NCKAP5: variants seen among roughly 807,000 people sequenced by gnomAD.
NCKAP5 encodes nck-associated protein 5.
Under a neutral mutation model 167.0 loss-of-function variants are expected in NCKAP5, and 92 were observed. That is an observed-to-expected ratio of 0.55 (90% CI 0.47 to 0.66). The LOEUF (loss-of-function observed/expected upper bound fraction) is 0.66, where lower values mean the gene tolerates loss of function less well. Among genes scored for constraint, NCKAP5 ranks in the 30% least tolerant of loss-of-function variants. The pLI, the probability that NCKAP5 is intolerant of heterozygous loss-of-function variation, is 0.00. For synonymous variants in NCKAP5, 891 were observed against 877.4 expected (o/e 1.02, Z -0.27); for missense variants, 2,378 against 2,315.0 (o/e 1.03, Z -0.56).
intron 2 of NCKAP5, among the ~76,000 whole-genome samples, chr2:133,536,002 G>A (rs1210736234): frequency 6.6e-6 from 1 of 151,890 alleles, no homozygotes; most frequent in Admixed American, 6.6e-5. Context: ...TCTTCTTGCT[G>A]AGTTGTTTGA....
chr2:132,824,473 T>G (rs1189722001), intron 11 of NCKAP5, among the ~76,000 whole-genome samples: 1 of 152,182 alleles, frequency 6.6e-6, no homozygotes, highest in Admixed American at 6.5e-5. Context: ...CAGATTTCCT[T>G]TTAGGTCTCA....
chr2:133,557,310 CT>C, intron 2 of NCKAP5, among the ~76,000 whole-genome samples: 1 of 152,254 alleles, frequency 6.6e-6, no homozygotes, highest in Middle Eastern at 3.4e-3. Context: ...TTTGGCACAA[CT>C]TTTCCTAGAT....
chr2:133,317,777 C>CT (rs1681721881), intron 3 of NCKAP5, among the ~76,000 whole-genome samples: 1 of 152,214 alleles, frequency 6.6e-6, no homozygotes, highest in Non-Finnish European at 1.5e-5. Context: ...ATGTGATGCC[C>CT]TATGCCAACA....
At chr2:133,135,891 G>A (rs1320166648) in intron 5 of NCKAP5, among the ~76,000 whole-genome samples, 1 of 152,060 alleles carries the variant, frequency 6.6e-6, no homozygotes, top group Non-Finnish European at 1.5e-5. Flanking sequence ...AGCTTATATT[G>A]TCTAATATAC....
chr2:132,778,413 C>T (rs1007832748), intron 15 of NCKAP5, among the ~76,000 whole-genome samples: 7 of 151,900 alleles, frequency 4.6e-5, no homozygotes, highest in Non-Finnish European at 8.8e-5. Flanking sequence ...GTGAACTAAG[C>T]GGAGGTTTGC....
intron 8 of NCKAP5, among the ~76,000 whole-genome samples, chr2:132,895,066 TCA>T (rs1693037441): frequency 6.6e-6 from 1 of 152,184 alleles, no homozygotes; most frequent in Non-Finnish European, 1.5e-5. Context: ...GCGCAGTGGC[TCA>T]CATCTGTAAT....
chr2:132,854,856 GA>G (rs1372522811), intron 11 of NCKAP5, among the ~76,000 whole-genome samples: 1 of 152,108 alleles, frequency 6.6e-6, no homozygotes, highest in African/African-American at 2.4e-5. Flanking sequence ...ATTTTGAACA[GA>G]AAAATGACAT....
At chr2:133,470,617 C>T (rs1412662039) in intron 3 of NCKAP5, among the ~76,000 whole-genome samples, 3 of 152,356 alleles carry the variant, frequency 2.0e-5, no homozygotes, top group Non-Finnish European at 4.4e-5. Flanking sequence ...AGCCTCGCTG[C>T]CGCCTTGCAG....
chr2:132,816,469 C>G (rs1574313465), intron 11 of NCKAP5, among the ~76,000 whole-genome samples: 1 of 152,232 alleles, frequency 6.6e-6, no homozygotes, highest in East Asian at 2.0e-4. Flanking sequence ...GATTTCCTTT[C>G]CTTTCTCCAC....
chr2:133,346,460 T>C (rs1683983951), intron 3 of NCKAP5, among the ~76,000 whole-genome samples: 1 of 152,244 alleles, frequency 6.6e-6, no homozygotes. Flanking sequence ...ATTTGGGTAC[T>C]AATGGATTTC....
At chr2:133,619,371 C>A in the NCKAP5 span, among the ~76,000 whole-genome samples, 1 of 150,974 alleles carries the variant, frequency 6.6e-6, no homozygotes, top group Non-Finnish European at 1.5e-5. Context: ...AATACTTCAG[C>A]GAAACAGAAA....
chr2:133,326,153 T>C (rs1381719482), intron 3 of NCKAP5, among the ~76,000 whole-genome samples: 1 of 152,042 alleles, frequency 6.6e-6, no homozygotes, highest in Non-Finnish European at 1.5e-5. Context: ...CCTTAGGATA[T>C]CCTTGATTGA....
At chr2:132,684,849 A>G (rs1685725827) in intron 19 of NCKAP5, among the ~76,000 whole-genome samples, 1 of 152,164 alleles carries the variant, frequency 6.6e-6, no homozygotes. Context: ...CTTGAATAGA[A>G]GCTAAAAAAA....
chr2:132,700,620 G>C (rs1428048172), intron 19 of NCKAP5, among the ~76,000 whole-genome samples: 1 of 152,096 alleles, frequency 6.6e-6, no homozygotes, highest in East Asian at 1.9e-4. Flanking sequence ...GGTTTGAAAT[G>C]ATAGATTAAT....
chr2:133,453,783 A>G (rs1691686954), intron 3 of NCKAP5, among the ~76,000 whole-genome samples: 1 of 152,082 alleles, frequency 6.6e-6, no homozygotes, highest in Admixed American at 6.6e-5. Flanking sequence ...ATTTCTTTCA[A>G]CTTTTCTGGA....
At chr2:133,045,591 G>C (rs1478885719) in intron 6 of NCKAP5, among the ~76,000 whole-genome samples, 1 of 152,064 alleles carries the variant, frequency 6.6e-6, no homozygotes, top group Non-Finnish European at 1.5e-5. Flanking sequence ...AGGTGCCCAG[G>C]GGATGCCTGA....
chr2:133,320,637 G>A (rs980276877), intron 3 of NCKAP5, among the ~76,000 whole-genome samples: 2 of 151,976 alleles, frequency 1.3e-5, no homozygotes, highest in South Asian at 2.1e-4. Context: ...CTGAGGCAGG[G>A]GAATGGTGTG....
chr2:132,982,051 T>A (rs1011098325), intron 7 of NCKAP5, among the ~76,000 whole-genome samples: 1 of 152,178 alleles, frequency 6.6e-6, no homozygotes, highest in Non-Finnish European at 1.5e-5. Context: ...ACGAAAGGCA[T>A]CCGTGGCACT....
At position 133,213,789 on chromosome 2, in the gene NCKAP5, C is replaced by G; in HGVS notation, c.144-10G>C. On this transcript the variant is annotated splice_polypyrimidine_tract_variant and intron_variant, in intron 4 of 19. Coordinates refer to ENST00000409261, the MANE Select transcript of NCKAP5 (RefSeq NM_207363.3). ...CACTGCCAACTTCTCCCTGAAGAAA[C>G]AAAAACACATGATTAGTTGACCATT... The G allele has an allele frequency of 6.2e-7, 1 of 1,613,660 alleles. No individual in the cohort carries two copies. The highest frequency in any genetic ancestry group is 8.5e-7 in the Non-Finnish European group (1 of 1,179,730).
Sources: allele counts gnomAD v4.1 joint callset (sites outside exome capture counted in the v4.1 genomes callset), GRCh38; gene constraint gnomAD v4.1.1; transcripts MANE v1.5; gene names NCBI Gene and HGNC (gene_info 2026-07-23, HGNC 2026-07-21).